IL36B: variants seen among roughly 807,000 people sequenced by gnomAD.
The protein encoded by IL36B is interleukin-36 beta.
IL36B carries 23 observed loss-of-function variants against 19.3 expected under a neutral mutation model. That is an observed-to-expected ratio of 1.19 (90% CI 0.86 to 1.69). The LOEUF is 1.69. IL36B is among the 40% of genes most tolerant of loss of function. The probability of loss-of-function intolerance (pLI) is 0.00; values close to 1 mark genes in which losing one functional copy is unlikely to be tolerated. For synonymous variants in IL36B, 59 were observed against 59.7 expected (o/e 0.99, Z 0.05); for missense variants, 217 against 200.5 (o/e 1.08, Z -0.50).
At chr2:113,051,813 C>T (rs956945571) in intron 1 of IL36B, among the ~76,000 whole-genome samples, 18 of 152,168 alleles carry the variant, frequency 1.2e-4, no homozygotes, top group African/African-American at 3.9e-4. Flanking sequence ...AGGACTTTCA[C>T]GGATGTCCTC....
intron 1 of IL36B, among the ~76,000 whole-genome samples, chr2:113,047,536 T>C (rs1362300494): frequency 6.6e-6 from 1 of 152,208 alleles, no homozygotes; most frequent in Non-Finnish European, 1.5e-5. Flanking sequence ...TTTTAGGATT[T>C]GATAGGTTGA....
chr2:113,023,502 C>T (rs928690909), intron 5 of IL36B, among the ~76,000 whole-genome samples: 9 of 152,300 alleles, frequency 5.9e-5, no homozygotes, highest in Non-Finnish European at 8.8e-5. Flanking sequence ...CTAAACTGTA[C>T]GAGCAATAGA....
chr2:113,027,866 C>G lies in IL36B; in HGVS notation c.261+1073G>C, dbSNP rs369505783. Reference sequence around the variant, plus strand: ...AAGATGACTCTGACAGCTTGATTCTCTATCCTGGAACCAGCCACCCACAGC... The same window carrying G: ...AAGATGACTCTGACAGCTTGATTCTGTATCCTGGAACCAGCCACCCACAGC... On this transcript the variant is annotated intron_variant, in intron 4 of 5. Coordinates refer to ENST00000259213, the MANE Select transcript of IL36B (RefSeq NM_014438.5). The G allele has an allele frequency of 5.6e-6, 9 of 1,610,344 alleles. No homozygotes were observed. The South Asian group carries it at 8.9e-5, about 16-fold the overall frequency.
At chr2:113,025,270 T>C (rs529080047) in intron 5 of IL36B, among the ~76,000 whole-genome samples, 1 of 152,232 alleles carries the variant, frequency 6.6e-6, no homozygotes, top group African/African-American at 2.4e-5. Flanking sequence ...AGCCTTTCTA[T>C]GTTTTTCCTC....
chr2:113,037,374 G>T (rs1344428149), intron 1 of IL36B, among the ~76,000 whole-genome samples: 1 of 152,234 alleles, frequency 6.6e-6, no homozygotes, highest in Non-Finnish European at 1.5e-5. Flanking sequence ...TTGAGGCTGG[G>T]TGTGGTGGCT....
At chr2:113,044,458 AT>A (rs201159655) in intron 1 of IL36B, among the ~76,000 whole-genome samples, 3 of 151,604 alleles carry the variant, frequency 2.0e-5, no homozygotes, top group Admixed American at 2.0e-4. Flanking sequence ...ATGTTCAGCT[AT>A]TTTTTTTATT....
chr2:113,051,195 A>C (rs6725997), intron 1 of IL36B, among the ~76,000 whole-genome samples: 2 of 152,074 alleles, frequency 1.3e-5, no homozygotes, highest in Non-Finnish European at 2.9e-5. Flanking sequence ...AATGGAGCTC[A>C]GCCAGTGCCT....
chr2:113,023,603 C>CT (rs574500419), intron 5 of IL36B, among the ~76,000 whole-genome samples: 60 of 152,310 alleles, frequency 3.9e-4, no homozygotes, highest in South Asian at 3.7e-3. Flanking sequence ...TTGCTAGTCT[C>CT]TGTCTCATTT....
At chr2:113,037,333 T>C (rs1389844991) in intron 1 of IL36B, among the ~76,000 whole-genome samples, 1 of 152,194 alleles carries the variant, frequency 6.6e-6, no homozygotes, top group Non-Finnish European at 1.5e-5. Flanking sequence ...TGTGGCTTTT[T>C]TAGAAGAGCC....
At chr2:113,030,916 AC>A in intron 3 of IL36B, 131 bp downstream of exon 3, 1 of 664,418 alleles carries the variant, frequency 1.5e-6, no homozygotes, top group Non-Finnish European at 2.7e-6. Flanking sequence ...TTCTCACTTG[AC>A]CTTCCTGTGG....
intron 3 of IL36B, among the ~76,000 whole-genome samples, 159 bp downstream of exon 3, chr2:113,030,889 G>A (rs1049614202): frequency 6.6e-6 from 1 of 152,178 alleles, no homozygotes; most frequent in Non-Finnish European, 1.5e-5. Context: ...CTTTGTGGAA[G>A]GGAATCATAG....
At chr2:113,047,095 T>C (rs1441159163) in intron 1 of IL36B, among the ~76,000 whole-genome samples, 1 of 152,276 alleles carries the variant, frequency 6.6e-6, no homozygotes, top group Non-Finnish European at 1.5e-5. Context: ...ATTTTGCTAC[T>C]TAAGTTGTTC....
chr2:113,039,426 C>T (rs981369667), intron 1 of IL36B, among the ~76,000 whole-genome samples: 5 of 152,086 alleles, frequency 3.3e-5, no homozygotes, highest in African/African-American at 1.2e-4. Context: ...TTAGTTAAGT[C>T]AAGGAGAACT....
intron 1 of IL36B, among the ~76,000 whole-genome samples, chr2:113,039,662 G>GC (rs1268499448): frequency 6.6e-5 from 10 of 152,100 alleles, no homozygotes; most frequent in African/African-American, 2.2e-4. Flanking sequence ...AGAGGTATCA[G>GC]GAAAAAAAGC....
At chr2:113,027,780 G>A (rs150837258) in intron 4 of IL36B, 2 of 1,476,354 alleles carry the variant, frequency 1.4e-6, no homozygotes, top group East Asian at 5.0e-5. Context: ...TGGATAGTAA[G>A]AATGAGGTAA....
chr2:113,051,076 C>G (rs996678049), intron 1 of IL36B, among the ~76,000 whole-genome samples: 3 of 152,184 alleles, frequency 2.0e-5, no homozygotes, highest in Non-Finnish European at 2.9e-5. Flanking sequence ...TGCCTCTCAT[C>G]GTGGCCTCCC....
chr2:113,050,785 G>A (rs1373915065), intron 1 of IL36B, among the ~76,000 whole-genome samples: 1 of 152,226 alleles, frequency 6.6e-6, no homozygotes, highest in Non-Finnish European at 1.5e-5. Context: ...ACACATCACT[G>A]AGAAAGCCGA....
rs2105038025 is a variant in IL36B, at chr2:113,023,899, A to C, written c.392-1122T>G. Among the ~76,000 whole-genome samples, 3 of 152,280 alleles carry C rather than the reference A, an allele frequency of 2.0e-5. 1 individual carries two copies. The South Asian group carries it at 6.2e-4, about 32-fold the overall frequency. ...CACATTAGATCATCAACAACGTTAA[A>C]ATAAACTTATTGACCTAAGTGAGAG... On this transcript the variant is annotated intron_variant, in intron 5 of 5. Transcript: ENST00000259213.
Position 113,029,092 on chromosome 2 carries a change from G to T in IL36B, c.122-14C>A. 6.2e-7 allele frequency: 1 copy of T among 1,608,050 alleles called. No homozygotes were observed. The highest frequency in any genetic ancestry group is 8.5e-7 in the Non-Finnish European group (1 of 1,177,184). On this transcript the variant is annotated splice_polypyrimidine_tract_variant and intron_variant, in intron 3 of 5. Transcript: ENST00000259213. The stretch of plus-strand genomic sequence containing the variant: ...AATGAAGAGTGACTGGAAACACAAA[G>T]GAAAATGGAGAAGATGTTTCAGTCT...
Sources: allele counts gnomAD v4.1 joint callset (sites outside exome capture counted in the v4.1 genomes callset), GRCh38; gene constraint gnomAD v4.1.1; transcripts MANE v1.5; gene names NCBI Gene and HGNC (gene_info 2026-07-23, HGNC 2026-07-21).